The following TMEM135 variants were observed in gnomAD, a reference collection of about 807,000 sequenced individuals.
TMEM135 encodes peroxisomal membrane protein 52.
A neutral mutation model predicts 60.3 loss-of-function variants in TMEM135; 30 were observed. The ratio of observed to expected loss-of-function variants is 0.50; its 90% CI spans 0.37 to 0.68. The LOEUF is 0.68. Ranked by LOEUF, TMEM135 falls within the 30% of genes least tolerant of loss-of-function variation. The pLI is 0.00. For missense variants in TMEM135, 468 were observed against 548.8 expected, an observed-to-expected ratio of 0.85 and a Z score of 1.47; for synonymous variants, 190 against 186.7, an observed-to-expected ratio of 1.02 and a Z score of -0.14.
At chr11:87,073,996 C>G (rs11234952) in intron 3 of TMEM135, among the ~76,000 whole-genome samples, 1 of 151,946 alleles carries the variant, frequency 6.6e-6, no homozygotes, top group Non-Finnish European at 1.5e-5. Flanking sequence ...GACAGAGTCT[C>G]ACTCCGTCAC....
At chr11:87,159,617 A>ACACACACACACACACCCCCCCCCC (rs140303858) in intron 5 of TMEM135, among the ~76,000 whole-genome samples, 3 of 149,344 alleles carry the variant, frequency 2.0e-5, no homozygotes, top group African/African-American at 7.4e-5. Flanking sequence ...ACACACACAC[A>ACACACACACACACACCCCCCCCCC]CCATAGATTT....
intron 1 of TMEM135, among the ~76,000 whole-genome samples, chr11:87,065,140 C>G (rs1400349939): frequency 6.6e-6 from 1 of 152,170 alleles, no homozygotes; most frequent in Non-Finnish European, 1.5e-5. Flanking sequence ...GCAGACAAAC[C>G]TGCTATAAAC....
At chr11:87,126,093 A>T (rs898294936) in intron 4 of TMEM135, among the ~76,000 whole-genome samples, 1 of 151,830 alleles carries the variant, frequency 6.6e-6, no homozygotes. Flanking sequence ...GCTGGTCTTG[A>T]ATTCCTGACC....
intron 1 of TMEM135, among the ~76,000 whole-genome samples, chr11:87,053,339 G>T (rs989147203): frequency 1.3e-5 from 2 of 151,820 alleles, no homozygotes; most frequent in Non-Finnish European, 2.9e-5. Flanking sequence ...ATGAAAAGAT[G>T]ATGTGGATTG....
At position 87,322,861 on chromosome 11, in the gene TMEM135, T is replaced by G; in HGVS notation, c.*1528T>G. 1 of 454,450 alleles carries G rather than the reference T, an allele frequency of 2.2e-6. No homozygotes were observed. Among genetic ancestry groups the G allele is most frequent in the South Asian group, 1.6e-5 (1 of 64,478 alleles). The allele number at this position is 454,450 out of a possible 1,614,324, so 28.2% of individuals were successfully genotyped here. A position where few individuals can be genotyped will look rare whatever the true frequency, so the allele number is the denominator to read the frequency against. ...TCAAAATTTGGCATTATGATTAGCT[T>G]TGTAGAACTGACCTGTTTATTTGGC... On this transcript the variant is annotated 3_prime_UTR_variant, in exon 15 of 15. Coordinates refer to ENST00000305494, the MANE Select transcript of TMEM135 (RefSeq NM_022918.4).
In TMEM135 at chr11:87,326,182, C is replaced by T. The variant is rs371068801; in HGVS notation, c.*4849C>T. On this transcript the variant is annotated 3_prime_UTR_variant, in exon 15 of 15. Transcript: ENST00000305494. ...GCATAACATTCTAATCTTGTCAGAC[C>T]GTGGATAATAGGATGTTCCCTGGTC... The T allele has an allele frequency of 2.6e-5, 12 of 453,732 alleles. No individual in the cohort carries two copies. The highest frequency in any genetic ancestry group is 9.3e-5 in the South Asian group (6 of 64,462). The allele number at this position is 453,732 out of a possible 1,614,324, so 28.1% of individuals were successfully genotyped here.
chr11:87,291,552 G>T (rs1425331427), intron 6 of TMEM135, among the ~76,000 whole-genome samples: 3 of 39,122 alleles, frequency 7.7e-5, no homozygotes, highest in East Asian at 1.5e-3. Flanking sequence ...TTTTTTTTGA[G>T]ACAGAGTCTC....
intron 4 of TMEM135, among the ~76,000 whole-genome samples, chr11:87,092,351 A>G (rs1857226660): frequency 6.6e-6 from 1 of 152,218 alleles, no homozygotes; most frequent in African/African-American, 2.4e-5. Flanking sequence ...GTTGGGTCAG[A>G]GAAAAGTGGG....
chr11:87,074,344 A>G (rs576124122), intron 3 of TMEM135, among the ~76,000 whole-genome samples: 25 of 152,332 alleles, frequency 1.6e-4, no homozygotes, highest in African/African-American at 5.8e-4. Flanking sequence ...AGTAAGAGTT[A>G]TATATGTGTT....
At chr11:87,074,477 TTAAAC>T (rs1353826365) in intron 3 of TMEM135, among the ~76,000 whole-genome samples, 2 of 152,334 alleles carry the variant, frequency 1.3e-5, no homozygotes, top group Non-Finnish European at 2.9e-5. Flanking sequence ...GTCAGTTACA[TTAAAC>T]TAAAGATGCT....
intron 5 of TMEM135, among the ~76,000 whole-genome samples, chr11:87,234,430 A>G (rs1363140373): frequency 6.6e-6 from 1 of 152,080 alleles, no homozygotes; most frequent in East Asian, 1.9e-4. Flanking sequence ...GAATCAGTCA[A>G]TTGCACTGTA....
chr11:87,274,786 C>CTGTGTGTGTGTG (rs10655114), intron 6 of TMEM135, among the ~76,000 whole-genome samples: 1,944 of 129,242 alleles, frequency 0.015, 26 homozygotes, highest in African/African-American at 0.024. Context: ...CATAGCAAGA[C>CTGTGTGTGTGTG]TGTGTGTGTG....
rs1187542615 is a variant in TMEM135, at chr11:87,326,235, A to G, written c.*4902A>G. The G allele has an allele frequency of 1.1e-5, 5 of 454,028 alleles. No homozygotes were observed. In the East Asian group the frequency reaches 2.1e-4, roughly 19 times the overall value. 28.1% of individuals were successfully genotyped at this position (454,028 alleles called of 1,614,324 possible). A position where few individuals can be genotyped will look rare whatever the true frequency, so the allele number is the denominator to read the frequency against. On this transcript the variant is annotated 3_prime_UTR_variant, in exon 15 of 15. Coordinates refer to ENST00000305494, the MANE Select transcript of TMEM135 (RefSeq NM_022918.4). Reference sequence around the variant, plus strand: ...GGCATAGAGGCCATAGGCATACAACATGCTTTATCTGCCTTGCTTAGACTC... The same window carrying G: ...GGCATAGAGGCCATAGGCATACAACGTGCTTTATCTGCCTTGCTTAGACTC...
At chr11:87,237,564 T>G (rs935904395) in intron 6 of TMEM135, among the ~76,000 whole-genome samples, 1 of 151,958 alleles carries the variant, frequency 6.6e-6, no homozygotes, top group South Asian at 2.1e-4. Flanking sequence ...ACCAGAATTT[T>G]TAAAAAAATT....
Position 87,106,879 on chromosome 11 carries a change from G to C in TMEM135, c.396+15484G>C, listed in dbSNP as rs1013687478. ...AAGCATAGTCCTGGCATCAGCTTCT[G>C]GGGAGTCCTCAGGAAGCTTACAGTC... On this transcript the variant is annotated intron_variant, in intron 4 of 14. Transcript: ENST00000305494. Among the ~76,000 whole-genome samples the C allele has an allele frequency of 2.6e-5, 4 of 152,288 alleles. No homozygotes were observed. The East Asian group carries it at 7.7e-4, about 29-fold the overall frequency.
At chr11:87,312,544 A>T (rs4944698) in intron 10 of TMEM135, among the ~76,000 whole-genome samples, 3 of 151,698 alleles carry the variant, frequency 2.0e-5, no homozygotes, top group African/African-American at 7.3e-5. Flanking sequence ...CTTTGTGACC[A>T]TATGGTCTCT....
At chr11:87,074,382 T>C (rs889549152) in intron 3 of TMEM135, among the ~76,000 whole-genome samples, 42 of 152,228 alleles carry the variant, frequency 2.8e-4, no homozygotes, top group African/African-American at 9.6e-4. Context: ...TTTTTGCCTG[T>C]AAGTAGAGTT....
chr11:87,259,117 T>A (rs1431708423), intron 6 of TMEM135: 1 of 810,450 alleles, frequency 1.2e-6, no homozygotes, highest in African/African-American at 1.7e-5. Context: ...TTCGGAAACA[T>A]CTCCATCAGG....
chr11:87,067,619 A>C, intron 1 of TMEM135, 75 bp from the exon 2 acceptor site: 1 of 1,579,990 alleles, frequency 6.3e-7, no homozygotes, highest in East Asian at 2.3e-5. Context: ...GCTTTTATAC[A>C]GTAGCTTCCA....
Sources: allele counts gnomAD v4.1 joint callset (sites outside exome capture counted in the v4.1 genomes callset), GRCh38; gene constraint gnomAD v4.1.1; transcripts MANE v1.5; gene names NCBI Gene and HGNC (gene_info 2026-07-23, HGNC 2026-07-21).